Variants in EDEM1 observed in about 807,000 individuals in gnomAD.
EDEM1 encodes the protein ER degradation enhancing alpha-mannosidase like protein 1.
EDEM1 carries 67 observed loss-of-function variants against 74.4 expected under a neutral mutation model. The observed-to-expected ratio is 0.90, with a 90% CI of 0.74 to 1.10. The LOEUF is 1.10. Among genes scored for constraint, EDEM1 ranks in the 50% least tolerant of loss-of-function variants. The pLI is 0.00. For missense variants in EDEM1, 926 were observed against 851.6 expected, an observed-to-expected ratio of 1.09 and a Z score of -1.09; for synonymous variants, 382 against 335.9, an observed-to-expected ratio of 1.14 and a Z score of -1.50.
chr3:5,190,003 G>C (rs115195728), intron 1 of EDEM1, among the ~76,000 whole-genome samples: 1 of 18,452 alleles, frequency 5.4e-5, no homozygotes, highest in African/African-American at 6.6e-5. Flanking sequence ...TTTTTTTGGG[G>C]GGGGGGATAA....
chr3:5,209,618 T>G (rs1416060831), intron 8 of EDEM1, among the ~76,000 whole-genome samples: 1 of 152,168 alleles, frequency 6.6e-6, no homozygotes, highest in Non-Finnish European at 1.5e-5. Context: ...CCCAGAGAAG[T>G]TTTTCTCTAG....
At chr3:5,207,050 A>G (rs2055106290) in intron 6 of EDEM1, 103 bp from the exon 7 acceptor site, 10 of 1,491,500 alleles carry the variant, frequency 6.7e-6, no homozygotes, top group African/African-American at 2.8e-5. Flanking sequence ...AGAAAAAATT[A>G]ATGTTAATTC....
In EDEM1 at chr3:5,219,262, CTG is replaced by C. The variant is rs1292293179; in HGVS notation, c.*3346_*3347del. On this transcript the variant is annotated 3_prime_UTR_variant, in exon 12 of 12. Transcript: ENST00000256497. ...TTTCTCTTTGATAAATTTTTTTTGT[CTG>C]TTGACAAAAACAAAAATCTTTTTTC... 1 of 152,042 alleles carries C rather than the reference CTG, an allele frequency of 6.6e-6. No homozygotes were observed. Among genetic ancestry groups the C allele is most frequent in the Non-Finnish European group, 1.5e-5 (1 of 68,010 alleles). 9.4% of individuals were successfully genotyped at this position (152,042 alleles called of 1,614,324 possible).
intron 1 of EDEM1, among the ~76,000 whole-genome samples, chr3:5,193,975 A>G (rs2054932754): frequency 1.3e-5 from 2 of 152,370 alleles, no homozygotes; most frequent in Admixed American, 6.5e-5. Flanking sequence ...GGGTTCAAAT[A>G]AAATGAGACA....
chr3:5,192,991 A>C (rs2106587407), intron 1 of EDEM1, among the ~76,000 whole-genome samples: 1 of 152,128 alleles, frequency 6.6e-6, no homozygotes, highest in South Asian at 2.1e-4. Flanking sequence ...AATATTTTAA[A>C]ACTGGGTCTA....
At position 5,201,671 on chromosome 3, in the gene EDEM1, C is replaced by G. The variant is rs1200095068; in HGVS notation, c.687-82C>G. ...AGTTCTGAGTCTATGTGGATATGAA[C>G]ATACTTCTATCTTTCTGAATTGGAT... On this transcript the variant is annotated intron_variant, in intron 3 of 11. Transcript: ENST00000256497. 7 of 1,544,300 alleles carry G rather than the reference C, an allele frequency of 4.5e-6. No individual in the cohort carries two copies. In the Admixed American group the frequency reaches 1.0e-4, roughly 22 times the overall value.
intron 10 of EDEM1, among the ~76,000 whole-genome samples, chr3:5,212,755 G>A (rs765682931): frequency 2.4e-4 from 37 of 152,170 alleles, no homozygotes; most frequent in Non-Finnish European, 4.0e-4. Flanking sequence ...CTTTCGTTCC[G>A]TGTCACATGC....
intron 1 of EDEM1, among the ~76,000 whole-genome samples, chr3:5,188,821 G>C (rs1380125036): frequency 1.3e-5 from 2 of 152,254 alleles, no homozygotes; most frequent in East Asian, 3.9e-4. Flanking sequence ...CTCCAAAGCC[G>C]TCCATTGAGT....
At position 5,216,024 on chromosome 3, in the gene EDEM1, G is replaced by A. The variant is rs1384171030; in HGVS notation, c.*106G>A. On this transcript the variant is annotated 3_prime_UTR_variant, in exon 12 of 12. Coordinates refer to ENST00000256497, the MANE Select transcript of EDEM1 (RefSeq NM_014674.3). ...AGGGGACAGAAGTCTTGCTGTCCAT[G>A]GTGGTGTAGGAATTTCTGTGCAACA... The A allele has an allele frequency of 1.1e-6, 1 of 898,864 alleles. No individual in the cohort carries two copies. The highest frequency in any genetic ancestry group is 1.7e-5 in the African/African-American group (1 of 59,450). 55.7% of individuals were successfully genotyped at this position (898,864 alleles called of 1,614,324 possible). A position where few individuals can be genotyped will look rare whatever the true frequency, so the allele number is the denominator to read the frequency against.
In EDEM1 at chr3:5,187,726, C is replaced by T. The variant is rs995818155; in HGVS notation, c.-80C>T. The T allele has an allele frequency of 5.6e-6, 8 of 1,417,980 alleles. No homozygotes were observed. In the Admixed American group the frequency reaches 1.4e-4, roughly 24 times the overall value. 87.8% of individuals were successfully genotyped at this position (1,417,980 alleles called of 1,614,324 possible). A position where few individuals can be genotyped will look rare whatever the true frequency, so the allele number is the denominator to read the frequency against. ...TTCCTTAAAGGGGAAGCGAGCCGGG[C>T]TACGGGGCGAGCGCGGGGTGCGGTG... is the stretch of plus-strand genomic sequence containing the variant. On this transcript the variant is annotated 5_prime_UTR_variant, in exon 1 of 12. Coordinates refer to ENST00000256497, the MANE Select transcript of EDEM1 (RefSeq NM_014674.3).
In EDEM1 at chr3:5,192,402, A is replaced by G. The variant is rs2054912350; in HGVS notation, c.510-2807A>G. ...TTAAATTTAAAAACACATATGTTTGATTTTGTTAGCTACATAATCAAAAAT... is the reference window on the plus strand; with the variant it reads ...TTAAATTTAAAAACACATATGTTTGGTTTTGTTAGCTACATAATCAAAAAT... On this transcript the variant is annotated intron_variant, in intron 1 of 11. Transcript: ENST00000256497. Among the ~76,000 whole-genome samples, 2 of 152,224 alleles carry G rather than the reference A, an allele frequency of 1.3e-5. 1 individual carries two copies. The highest frequency in any genetic ancestry group is 4.1e-4 in the South Asian group (2 of 4,832).
At position 5,199,910 on chromosome 3, in the gene EDEM1, G is replaced by A. The variant is rs146431631; in HGVS notation, c.686+215G>A. ...CCGGACTGAAGGGAAAGACACGTTT[G>A]TATTTTGTTTTGTTTTTATAGATTA... On this transcript the variant is annotated intron_variant, in intron 3 of 11. Transcript: ENST00000256497. Among the ~76,000 whole-genome samples the A allele has an allele frequency of 3.4e-5, 5 of 147,968 alleles. No homozygotes were observed. The East Asian group carries it at 9.9e-4, about 29-fold the overall frequency.
rs139738793 is a variant in EDEM1, at chr3:5,213,482, C to T, written c.1844C>T (p.Pro615Leu). The stretch of plus-strand genomic sequence containing the variant: ...CAAGGGGGAAAGTCTGTGCACAGGC[C>T]GAAACCTCATGAGTTAAAAGTCATC... Reference protein sequence around the residue: ...QDQGGKSVHRPKPHELKVINS... With the variant: ...QDQGGKSVHRLKPHELKVINS... Residue 615 changes from proline to leucine, a missense_variant, in exon 11 of 12, where the codon CCG (proline) becomes CTG (leucine). Coordinates refer to ENST00000256497, the MANE Select transcript of EDEM1 (RefSeq NM_014674.3). 1.5e-5 allele frequency: 24 copies of T among 1,613,584 alleles called. No individual in the cohort carries two copies. The highest frequency in any genetic ancestry group is 1.2e-4 in the Admixed American group (7 of 59,970).
At chr3:5,207,361 T>C in intron 7 of EDEM1, 88 bp downstream of exon 7, 1 of 1,552,924 alleles carries the variant, frequency 6.4e-7, no homozygotes, top group Non-Finnish European at 8.7e-7. Flanking sequence ...CCCTGAGCAT[T>C]CTCTGTCTCC....
rs1315713303 is a variant in EDEM1 at position 5,216,534 on chromosome 3, G to T, written c.*616G>T. 1 of 152,220 alleles carries T rather than the reference G, an allele frequency of 6.6e-6. No homozygotes were observed. The highest frequency in any genetic ancestry group is 1.5e-5 in the Non-Finnish European group (1 of 68,044). The allele number at this position is 152,220 out of a possible 1,614,324, so 9.4% of individuals were successfully genotyped here. A position where few individuals can be genotyped will look rare whatever the true frequency, so the allele number is the denominator to read the frequency against. ...TTGCATTGAAAATGTCATCCTTTCTGTTGTTAGATAATTGGGGTCTTCCCC... is the reference window on the plus strand; with the variant it reads ...TTGCATTGAAAATGTCATCCTTTCTTTTGTTAGATAATTGGGGTCTTCCCC... On this transcript the variant is annotated 3_prime_UTR_variant, in exon 12 of 12. Coordinates refer to ENST00000256497, the MANE Select transcript of EDEM1 (RefSeq NM_014674.3).
At chr3:5,189,309 C>T (rs1282095211) in intron 1 of EDEM1, 1 of 152,168 alleles carries the variant, frequency 6.6e-6, no homozygotes. Context: ...GCAGTGGAGT[C>T]CAGTCCTTAG....
rs1224367307 is a variant in EDEM1, at chr3:5,188,521, T to A, written c.509+207T>A. On this transcript the variant is annotated intron_variant, in intron 1 of 11. Coordinates refer to ENST00000256497, the MANE Select transcript of EDEM1 (RefSeq NM_014674.3). ...GGGTGGGCCGGTGGCCTTCCTCTCC[T>A]GATTCTCCCGGAATCTCCAAACTTC... The A allele has an allele frequency of 2.2e-5, 10 of 452,688 alleles. No homozygotes were observed. In the East Asian group the frequency reaches 3.8e-4, roughly 17 times the overall value. The allele number at this position is 452,688 out of a possible 1,614,324, so 28.0% of individuals were successfully genotyped here.
intron 11 of EDEM1, among the ~76,000 whole-genome samples, chr3:5,214,069 G>A (rs1467911585): frequency 1.3e-5 from 2 of 152,196 alleles, no homozygotes; most frequent in African/African-American, 2.4e-5. Context: ...GATGCTCTTC[G>A]AAGTGCAGCA....
Position 5,208,142 on chromosome 3 carries a change from A to G in EDEM1, c.1388A>G (p.Tyr463Cys). ...EDAICLHAFY[Y>C]AIWKRYGALP... ...GCCATCTGCCTTCATGCCTTCTACT[A>G]TGCCATATGGAAACGATATGGTGCC... The change falls in exon 8 of 12, where the codon TAT becomes TGT. Residue 463 changes from tyrosine (Y) to cysteine (C), a missense_variant. Transcript: ENST00000256497. 1.2e-6 allele frequency: 2 copies of G among 1,611,624 alleles called. No individual in the cohort carries two copies. Among genetic ancestry groups the G allele is most frequent in the South Asian group, 1.1e-5 (1 of 90,766 alleles).
Sources: allele counts gnomAD v4.1 joint callset (sites outside exome capture counted in the v4.1 genomes callset), GRCh38; gene constraint gnomAD v4.1.1; transcripts MANE v1.5; gene names NCBI Gene and HGNC (gene_info 2026-07-23, HGNC 2026-07-21).